KCND2: variants seen among roughly 807,000 people sequenced by gnomAD.
KCND2 encodes the protein potassium voltage-gated channel subfamily D member 2, also known as A-type voltage-gated potassium channel KCND2.
Under a neutral mutation model 54.4 loss-of-function variants are expected in KCND2, and 16 were observed. The observed-to-expected ratio is 0.29, with a 90% confidence interval of 0.20 to 0.45. The LOEUF (loss-of-function observed/expected upper bound fraction) is 0.45. KCND2 is among the 20% of genes least tolerant of loss of function. The pLI is 1.00. For synonymous variants in KCND2, 317 were observed against 310.7 expected (o/e 1.02, Z -0.21); for missense variants, 486 against 824.2 (o/e 0.59, Z 5.02).
chr7:120,353,019 A>T (rs1800438117), intron 1 of KCND2, among the ~76,000 whole-genome samples: 1 of 151,848 alleles, frequency 6.6e-6, no homozygotes, highest in African/African-American at 2.4e-5. Context: ...AGTAATATTT[A>T]TTAATTGTGT....
Position 120,274,392 on chromosome 7 carries a change from A to C in KCND2, c.-241A>C, listed in dbSNP as rs545088947. On this transcript the variant is annotated 5_prime_UTR_variant, in exon 1 of 6. Transcript: ENST00000331113. ...GAAGAGATTTGGCTGGGTTCTGTTGAGGGTGATTGTTAGGACGTTGTATTT... is the reference window on the plus strand; with the variant it reads ...GAAGAGATTTGGCTGGGTTCTGTTGCGGGTGATTGTTAGGACGTTGTATTT... 1.7e-6 allele frequency: 1 copy of C among 596,600 alleles called. No individual in the cohort carries two copies. The highest frequency in any genetic ancestry group is 1.9e-5 in the African/African-American group (1 of 53,892). The allele number at this position is 596,600 out of a possible 1,614,324, so 37.0% of individuals were successfully genotyped here.
intron 1 of KCND2, among the ~76,000 whole-genome samples, chr7:120,483,647 A>G (rs114667145): frequency 1.5e-3 from 222 of 152,342 alleles, no homozygotes; most frequent in African/African-American, 5.0e-3. Context: ...AAAGTAACCA[A>G]GAGTAGGAAC....
chr7:120,699,221 G>T (rs113980381), intron 1 of KCND2, among the ~76,000 whole-genome samples: 1 of 151,884 alleles, frequency 6.6e-6, no homozygotes, highest in Non-Finnish European at 1.5e-5. Flanking sequence ...GGCAGAGCTT[G>T]CAGTGAGCCG....
At chr7:120,743,321 T>C (rs1241129011) in intron 4 of KCND2, among the ~76,000 whole-genome samples, 3 of 152,196 alleles carry the variant, frequency 2.0e-5, no homozygotes, top group Non-Finnish European at 4.4e-5. Flanking sequence ...ATGATTTGTA[T>C]TCTCAGTTCC....
intron 1 of KCND2, among the ~76,000 whole-genome samples, chr7:120,703,113 A>G (rs1454457336): frequency 6.6e-6 from 1 of 152,176 alleles, no homozygotes; most frequent in African/African-American, 2.4e-5. Flanking sequence ...GTTAAATAGC[A>G]ATGTTTAGAA....
intron 1 of KCND2, among the ~76,000 whole-genome samples, chr7:120,540,287 T>G (rs1203458961): frequency 6.6e-6 from 1 of 152,234 alleles, no homozygotes; most frequent in Non-Finnish European, 1.5e-5. Flanking sequence ...TACCTTATGA[T>G]ATAAAATTAT....
chr7:120,295,387 C>G (rs999173432), intron 1 of KCND2, among the ~76,000 whole-genome samples: 10 of 127,318 alleles, frequency 7.9e-5, no homozygotes, highest in African/African-American at 1.3e-4. Flanking sequence ...CACACACACA[C>G]ACACAGACAC....
intron 1 of KCND2, among the ~76,000 whole-genome samples, chr7:120,287,379 T>C (rs1419915020): frequency 1.3e-5 from 2 of 152,168 alleles, no homozygotes; most frequent in Non-Finnish European, 1.5e-5. Context: ...GGAATACTTA[T>C]TAAAAATGAA....
chr7:120,566,686 C>T (rs17347747), intron 1 of KCND2, among the ~76,000 whole-genome samples: 12,904 of 151,816 alleles, frequency 0.085, 631 homozygotes, highest in South Asian at 0.09. Flanking sequence ...TTGTAAGGGT[C>T]GCTAAGGCTC....
intron 1 of KCND2, among the ~76,000 whole-genome samples, chr7:120,304,859 G>A (rs528422753): frequency 2.6e-5 from 4 of 152,230 alleles, no homozygotes; most frequent in African/African-American, 4.8e-5. Flanking sequence ...CTGGGCAGGC[G>A]ATAGGAATAC....
At position 120,376,098 on chromosome 7, in the gene KCND2, A is replaced by G. The variant is rs575269562; in HGVS notation, c.1115+100351A>G. ...TCTCCCAGTCAAGAAACTATTAAAG[A>G]TAATAGTTTAATTATTTTAATAGTT... On this transcript the variant is annotated intron_variant, in intron 1 of 5. Transcript: ENST00000331113. 3.3e-5 allele frequency among the ~76,000 whole-genome samples: 5 copies of G among 151,958 alleles called. No homozygotes were observed. In the South Asian group the frequency reaches 1.0e-3, roughly 32 times the overall value.
intron 1 of KCND2, among the ~76,000 whole-genome samples, chr7:120,479,962 C>CAAAAAAAAAAAA (rs35246643): frequency 1.5e-5 from 1 of 68,880 alleles, no homozygotes; most frequent in Non-Finnish European, 3.1e-5. Flanking sequence ...GTAAGACTGT[C>CAAAAAAAAAAAA]AAAAAAAAAA....
At chr7:120,341,716 A>G (rs531590089) in intron 1 of KCND2, among the ~76,000 whole-genome samples, 6 of 152,296 alleles carry the variant, frequency 3.9e-5, no homozygotes, top group African/African-American at 1.4e-4. Context: ...TAAGATGCCA[A>G]ATTTTAGGAA....
chr7:120,675,381 T>A (rs554236873), intron 1 of KCND2, among the ~76,000 whole-genome samples: 1 of 152,056 alleles, frequency 6.6e-6, no homozygotes, highest in Non-Finnish European at 1.5e-5. Context: ...TGCACCACCA[T>A]GCCCAGCTAA....
chr7:120,274,493 A>G lies in KCND2; in HGVS notation c.-140A>G, dbSNP rs1799141629. The G allele has an allele frequency of 2.2e-6, 2 of 911,058 alleles. No individual in the cohort carries two copies. The highest frequency in any genetic ancestry group is 1.4e-5 in the South Asian group (1 of 70,060). The allele number at this position is 911,058 out of a possible 1,614,324, so 56.4% of individuals were successfully genotyped here. ...GAACTGTGACTTTACCAGGAGCCCT[A>G]TCTTGGAATAAGAGTTACACCTCTG... is the stretch of plus-strand genomic sequence containing the variant. On this transcript the variant is annotated 5_prime_UTR_variant, in exon 1 of 6. Coordinates refer to ENST00000331113, the MANE Select transcript of KCND2 (RefSeq NM_012281.3).
intron 1 of KCND2, among the ~76,000 whole-genome samples, chr7:120,725,444 G>T (rs1291141009): frequency 6.6e-6 from 1 of 152,106 alleles, no homozygotes; most frequent in Non-Finnish European, 1.5e-5. Context: ...TGAAATTTGT[G>T]GGGTAGGGGT....
At chr7:120,734,925 G>C (rs901653545) in intron 2 of KCND2, among the ~76,000 whole-genome samples, 75 of 152,160 alleles carry the variant, frequency 4.9e-4, no homozygotes, top group African/African-American at 1.8e-3. Flanking sequence ...CTTAAGTAAA[G>C]TATACAATCT....
In KCND2 at chr7:120,324,480, G is replaced by A. The variant is rs1312716822; in HGVS notation, c.1115+48733G>A. On this transcript the variant is annotated intron_variant, in intron 1 of 5. Coordinates refer to ENST00000331113, the MANE Select transcript of KCND2 (RefSeq NM_012281.3). ...CCATCTTGAATTGATTTTTGTATAA[G>A]GTGTAAGGAAGGGATCCAGTTTCAG... 1.8e-4 allele frequency among the ~76,000 whole-genome samples: 27 copies of A among 148,944 alleles called. No homozygotes were observed. The East Asian group carries it at 3.6e-3, about 20-fold the overall frequency.
intron 1 of KCND2, among the ~76,000 whole-genome samples, chr7:120,290,159 C>A (rs1799412623): frequency 6.6e-6 from 1 of 151,892 alleles, no homozygotes; most frequent in East Asian, 1.9e-4. Flanking sequence ...ATCATGGATG[C>A]TGAATAAAGA....
Sources: allele counts gnomAD v4.1 joint callset (sites outside exome capture counted in the v4.1 genomes callset), GRCh38; gene constraint gnomAD v4.1.1; transcripts MANE v1.5; gene names NCBI Gene and HGNC (gene_info 2026-07-23, HGNC 2026-07-21).